MST1R: variants seen among roughly 807,000 people sequenced by gnomAD.
The protein encoded by MST1R is macrophage stimulating 1 receptor.
Under a neutral mutation model 117.8 loss-of-function variants are expected in MST1R, and 99 were observed. The ratio of observed to expected loss-of-function variants is 0.84; its 90% CI spans 0.71 to 0.99. MST1R has a LOEUF of 0.99. Ranked by LOEUF, MST1R falls within the 50% of genes least tolerant of loss-of-function variation. The pLI is 0.00. For synonymous variants in MST1R, 734 were observed against 765.3 expected (o/e 0.96, Z 0.68); for missense variants, 1,683 against 1,840.2 (o/e 0.91, Z 1.56).
At chr3:49,896,144 G>T (rs779768875) in intron 10 of MST1R, 37 bp from the exon 11 acceptor site, 2 of 1,614,166 alleles carry the variant, frequency 1.2e-6, no homozygotes, top group South Asian at 2.2e-5. Context: ...CAGTAGGCTG[G>T]CCCCTACTTT....
At chr3:49,891,613 G>A (rs1015568832) in intron 15 of MST1R, 33 bp from the exon 16 acceptor site, 11 of 1,612,460 alleles carry the variant, frequency 6.8e-6, no homozygotes, top group Admixed American at 1.7e-5. Flanking sequence ...CACAGGGCAG[G>A]GCGTCCCTTT....
In MST1R at chr3:49,902,621, C is replaced by A; in HGVS notation, c.989G>T (p.Gly330Val). ...GCTCAGCTCAGTGGCAAGTTGGGCA[C>A]CCACTGGAGCGGAGTGGGCCACCCG... ...VLRVAHSAPVGAQLATELSIA... is the reference protein window; with the variant it reads ...VLRVAHSAPVVAQLATELSIA... Residue 330 changes from glycine (G) to valine (V), a missense_variant, in exon 1 of 20, where the codon GGT becomes GTT. Transcript: ENST00000296474. The A allele has an allele frequency of 1.9e-6, 3 of 1,613,508 alleles. No homozygotes were observed. The highest frequency in any genetic ancestry group is 2.5e-6 in the Non-Finnish European group (3 of 1,180,022).
chr3:49,902,067 A>T (rs1189557126), intron 1 of MST1R, among the ~76,000 whole-genome samples: 1 of 152,084 alleles, frequency 6.6e-6, no homozygotes, highest in East Asian at 1.9e-4. Context: ...GCTAACAGAG[A>T]CACGGTTATG....
chr3:49,897,980 C>T, intron 5 of MST1R, 71 bp downstream of exon 5: 1 of 1,603,914 alleles, frequency 6.2e-7, no homozygotes, highest in Non-Finnish European at 8.5e-7. Context: ...AAGCAGAGAA[C>T]AGGGTCTCAT....
chr3:49,891,719 G>T, intron 15 of MST1R, 39 bp downstream of exon 15: 3 of 1,611,082 alleles, frequency 1.9e-6, no homozygotes, highest in Non-Finnish European at 2.5e-6. Context: ...CCCAGCCTGA[G>T]GCCCCTCCCT....
chr3:49,902,384 T>G lies in MST1R; in HGVS notation c.1226A>C (p.Asn409Thr). ...DFFQSPSFCPNPPGLEALSPN... is the reference protein window; with the variant it reads ...DFFQSPSFCPTPPGLEALSPN... ...GGGCCCCTTCTTTCAGCTTACCGGGTTGGGGCAAAAACTGGGCGACTGGAA... is the reference window on the plus strand; with the variant it reads ...GGGCCCCTTCTTTCAGCTTACCGGGGTGGGGCAAAAACTGGGCGACTGGAA... The change falls in exon 1 of 20, where the codon AAC becomes ACC. Residue 409 changes from asparagine (N) to threonine (T), a missense_variant. Physicochemically the swap from Asn to Thr is moderately conservative, Grantham distance 65 (BLOSUM62 0). Transcript: ENST00000296474. 6.2e-7 allele frequency: 1 copy of G among 1,612,466 alleles called. No individual in the cohort carries two copies. Among genetic ancestry groups the G allele is most frequent in the Non-Finnish European group, 8.5e-7 (1 of 1,179,308 alleles).
At chr3:49,901,685 A>G (rs2082682003) in intron 1 of MST1R, among the ~76,000 whole-genome samples, 2 of 147,602 alleles carry the variant, frequency 1.4e-5, no homozygotes, top group Non-Finnish European at 3.0e-5. Flanking sequence ...AGTGAAGCCC[A>G]GGACATGCAG....
chr3:49,896,063 C>T lies in MST1R; in HGVS notation c.2694G>A (p.Val898=), dbSNP rs1457531830. 1 of 1,611,078 alleles carries T rather than the reference C, an allele frequency of 6.2e-7. No homozygotes were observed. Among genetic ancestry groups the T allele is most frequent in the Non-Finnish European group, 8.5e-7 (1 of 1,178,386 alleles). Residue 898 remains valine, a synonymous_variant, in exon 11 of 20, where the codon GTG becomes GTA. Transcript: ENST00000296474. ...GCTGGCAGCTCTCACCACCCACGGT[C>T]ACGTTGATACCCACACAGTCAGCCA... ...GAVADCVGIN[V]TVGGESCQHE...
In MST1R at chr3:49,897,513, GC is replaced by G. The variant is rs754649409; in HGVS notation, c.2046+6del. 1 of 1,612,816 alleles carries G rather than the reference GC, an allele frequency of 6.2e-7. No individual in the cohort carries two copies. Among genetic ancestry groups the G allele is most frequent in the Non-Finnish European group, 8.5e-7 (1 of 1,179,308 alleles). ...CCAAGGGCACAGACAGGGCAAGGTA[GC>G]CTCACCATGAAAGAGAAGCCTCTCA... is the stretch of plus-strand genomic sequence containing the variant. On this transcript the variant is annotated splice_donor_region_variant and intron_variant, in intron 6 of 19. Transcript: ENST00000296474.
chr3:49,896,509 C>G, intron 9 of MST1R, 31 bp downstream of exon 9: 1 of 1,612,506 alleles, frequency 6.2e-7, no homozygotes, highest in Non-Finnish European at 8.5e-7. Flanking sequence ...ACTCATCCAG[C>G]CTTCCTCCCT....
intron 5 of MST1R, 152 bp downstream of exon 5, chr3:49,897,899 C>T (rs1456029974): frequency 1.7e-6 from 2 of 1,197,988 alleles, no homozygotes; most frequent in East Asian, 2.5e-5. Flanking sequence ...CAAAAAGGGA[C>T]AGAGACCTTT....
chr3:49,887,431 T>C lies in MST1R; in HGVS notation c.4079A>G (p.Tyr1360Cys), dbSNP rs56330223. Residue 1360 changes from tyrosine to cysteine, a missense_variant, in exon 20 of 20, where the codon TAC becomes TGC. By Grantham distance (194) the Tyr-to-Cys change is radical (BLOSUM62 -2). Coordinates refer to ENST00000296474, the MANE Select transcript of MST1R (RefSeq NM_002447.4). ...GDHYVQLPAT[Y>C]MNLGPSTSHE... is the part of the protein sequence containing the mutation. Reference sequence around the variant, plus strand: ...CGAGGTGCTGGGGCCCAAGTTCATGTAGGTTGCTGGCAGCTGCACATAATG... The same window carrying C: ...CGAGGTGCTGGGGCCCAAGTTCATGCAGGTTGCTGGCAGCTGCACATAATG... The C allele has an allele frequency of 6.4e-5, 103 of 1,614,110 alleles. No homozygotes were observed. Among genetic ancestry groups the C allele is most frequent in the Non-Finnish European group, 7.8e-5 (92 of 1,180,044 alleles).
chr3:49,892,255 C>T (rs1283180619), intron 14 of MST1R, among the ~76,000 whole-genome samples: 1 of 151,744 alleles, frequency 6.6e-6, no homozygotes, highest in Non-Finnish European at 1.5e-5. Flanking sequence ...TGAGCCACCA[C>T]ACCCGGCCCA....
intron 5 of MST1R, 41 bp from the exon 6 acceptor site, chr3:49,897,726 C>T (rs1483797029): frequency 1.3e-6 from 2 of 1,577,974 alleles, no homozygotes; most frequent in East Asian, 2.3e-5. Flanking sequence ...CCAGGAATTA[C>T]ACAGGCCTAG....
In MST1R at chr3:49,896,078, ACAGT is replaced by A. The variant is rs774189910; in HGVS notation, c.2675_2678del (p.Asp892ValfsTer6). 2.0e-5 allele frequency: 32 copies of A among 1,611,682 alleles called. No homozygotes were observed. Among genetic ancestry groups the A allele is most frequent in the East Asian group, 4.5e-5 (2 of 44,798 alleles). On this transcript the variant is annotated frameshift_variant, in exon 11 of 20. Transcript: ENST00000296474. LOFTEE classifies it high-confidence loss of function. ...CACCCACGGTCACGTTGATACCCAC[ACAGT>A]CAGCCACAGCGCCCAGCCCAATATA...
intron 4 of MST1R, 63 bp from the exon 5 acceptor site, chr3:49,898,274 T>A: frequency 6.3e-7 from 1 of 1,591,606 alleles, no homozygotes; most frequent in South Asian, 1.1e-5. Context: ...CCCACCTGCT[T>A]CCCCAAAGTC....
At chr3:49,899,598 C>T (rs1463402335) in intron 1 of MST1R, 2 of 218,186 alleles carry the variant, frequency 9.2e-6, no homozygotes, top group Admixed American at 9.2e-5. Flanking sequence ...TTTTTTGAGA[C>T]GGAGTCTCAC....
intron 1 of MST1R, among the ~76,000 whole-genome samples, chr3:49,900,868 C>A (rs765266052): frequency 1.3e-5 from 2 of 152,206 alleles, no homozygotes; most frequent in African/African-American, 4.8e-5. Context: ...AGGACAGGCA[C>A]CAGCTCTGAG....
At chr3:49,898,308 C>T in intron 4 of MST1R, 97 bp from the exon 5 acceptor site, 2 of 1,525,242 alleles carry the variant, frequency 1.3e-6, no homozygotes, top group South Asian at 2.4e-5. Context: ...CTTGCCTTCC[C>T]CACGCTCCAG....
Sources: allele counts gnomAD v4.1 joint callset (sites outside exome capture counted in the v4.1 genomes callset), GRCh38; gene constraint gnomAD v4.1.1; transcripts MANE v1.5; gene names NCBI Gene and HGNC (gene_info 2026-07-23, HGNC 2026-07-21).